CNNM4: variants seen among roughly 807,000 people sequenced by gnomAD.
CNNM4 encodes the protein cyclin and CBS domain divalent metal cation transport mediator 4.
In CNNM4, 32 loss-of-function variants were observed where a neutral mutation model predicts 53.7. The observed-to-expected ratio is 0.60, with a 90% CI of 0.45 to 0.80. CNNM4 has a LOEUF of 0.80. Among genes scored for constraint, CNNM4 ranks in the 30% least tolerant of loss-of-function variants. The pLI, the probability that CNNM4 is intolerant of heterozygous loss-of-function variation, is 0.00. For synonymous variants in CNNM4, 410 were observed against 440.0 expected, an observed-to-expected ratio of 0.93 and a Z score of 0.85; for missense variants, 784 against 1,022.0, an observed-to-expected ratio of 0.77 and a Z score of 3.17.
chr2:96,761,871 G>C lies in CNNM4; in HGVS notation c.872G>C (p.Cys291Ser). ...IFGEILPQAL[C>S]SRHGLAVGAN... ...GGGGAGATCCTACCTCAGGCCCTGTGCTCCCGACATGGGCTGGCTGTGGGT... is the reference window on the plus strand; with the variant it reads ...GGGGAGATCCTACCTCAGGCCCTGTCCTCCCGACATGGGCTGGCTGTGGGT... Residue 291 changes from cysteine to serine, a missense_variant, in exon 1 of 7, where the codon TGC becomes TCC. This residue lies in a region of CNNM4 where 473 missense variants were observed against 624.6 expected (regional missense o/e 0.76). Transcript: ENST00000377075. This position sits in a 1 kb window ranked among gnomAD's most constrained non-coding sequence, Gnocchi z 6.0. 6.2e-7 allele frequency: 1 copy of C among 1,614,148 alleles called. No homozygotes were observed. Among genetic ancestry groups the C allele is most frequent in the Non-Finnish European group, 8.5e-7 (1 of 1,180,016 alleles).
intron 1 of CNNM4, among the ~76,000 whole-genome samples, chr2:96,780,728 TTTTA>T (rs1008170783): frequency 1.2e-4 from 18 of 151,958 alleles, no homozygotes; most frequent in African/African-American, 4.1e-4. Context: ...TTTTGTTTGT[TTTTA>T]TTTGTTTGTT....
At chr2:96,766,015 C>G (rs1434820111) in intron 1 of CNNM4, among the ~76,000 whole-genome samples, 2 of 151,556 alleles carry the variant, frequency 1.3e-5, no homozygotes, top group African/African-American at 2.4e-5. Context: ...AACTCCTGAC[C>G]TCAGGTGATC....
In CNNM4 at chr2:96,765,024, G is replaced by GTTTTT. The variant is rs1158502593; in HGVS notation, c.1402+2661_1402+2665dup. Among the ~76,000 whole-genome samples the GTTTTT allele has an allele frequency of 1.1e-3, 44 of 41,556 alleles. 9 individuals carry two copies. Among genetic ancestry groups the GTTTTT allele is most frequent in the African/African-American group, 1.8e-3 (20 of 11,402 alleles). The allele number at this position is 41,556 out of a possible 152,430, so 27.3% of individuals were successfully genotyped here. On this transcript the variant is annotated intron_variant, in intron 1 of 6. Transcript: ENST00000377075. ...GTTTAGGAGTCTGGTGTTGGGAATGGTTTTTTTTTTTTTTTTTTTTTTTTT... is the reference window on the plus strand; with the variant it reads ...GTTTAGGAGTCTGGTGTTGGGAATGGTTTTTTTTTTTTTTTTTTTTTTTTTTTTTT...
At chr2:96,803,779 A>C (rs2079178727) in intron 5 of CNNM4, among the ~76,000 whole-genome samples, 1 of 152,180 alleles carries the variant, frequency 6.6e-6, no homozygotes. Flanking sequence ...CTTTACTCAT[A>C]AAAGTAAGGT....
intron 1 of CNNM4, among the ~76,000 whole-genome samples, chr2:96,775,103 T>C (rs1329400636): frequency 6.7e-6 from 1 of 148,586 alleles, no homozygotes; most frequent in Non-Finnish European, 1.5e-5. Context: ...ATGCATAATA[T>C]AGAGAAAAGT....
At chr2:96,764,859 T>C (rs2078799454) in intron 1 of CNNM4, among the ~76,000 whole-genome samples, 3 of 151,456 alleles carry the variant, frequency 2.0e-5, no homozygotes, top group Non-Finnish European at 2.9e-5. Context: ...TGGTGGCACA[T>C]GCCTGTAGCC....
chr2:96,791,506 G>A lies in CNNM4; in HGVS notation c.1403-5506G>A, dbSNP rs1243571192. 2.0e-5 allele frequency among the ~76,000 whole-genome samples: 3 copies of A among 151,278 alleles called. No individual in the cohort carries two copies. The East Asian group carries it at 5.8e-4, about 29-fold the overall frequency. On this transcript the variant is annotated intron_variant, in intron 1 of 6. Transcript: ENST00000377075. The stretch of plus-strand genomic sequence containing the variant: ...AAATTAGCTGGGTGTGGTGGCGGGC[G>A]CCTGTAATCCCAGCTAGTCAGGAGG...
intron 1 of CNNM4, among the ~76,000 whole-genome samples, chr2:96,768,098 A>G (rs1168900014): frequency 1.3e-5 from 2 of 152,222 alleles, no homozygotes; most frequent in African/African-American, 4.8e-5. Context: ...AACAACAACA[A>G]AACACCCATA....
chr2:96,805,426 T>A (rs1332889196), intron 5 of CNNM4, among the ~76,000 whole-genome samples: 214 of 140,042 alleles, frequency 1.5e-3, no homozygotes, highest in African/African-American at 6.1e-3. Flanking sequence ...CAGTTTTTTT[T>A]TTTTTTTTTT....
intron 1 of CNNM4, among the ~76,000 whole-genome samples, chr2:96,785,859 C>T (rs2079012085): frequency 6.6e-6 from 1 of 151,522 alleles, no homozygotes. Context: ...GAGGCTGAAG[C>T]GGTGGATCAC....
chr2:96,807,290 C>T (rs1221941089), intron 5 of CNNM4, among the ~76,000 whole-genome samples: 4 of 152,150 alleles, frequency 2.6e-5, no homozygotes, highest in Non-Finnish European at 5.9e-5. Flanking sequence ...AGGTGTGAGC[C>T]ACCTCGCCCA....
chr2:96,767,000 C>T lies in CNNM4; in HGVS notation c.1402+4599C>T, dbSNP rs1027971384. Among the ~76,000 whole-genome samples, 10 of 152,176 alleles carry T rather than the reference C, an allele frequency of 6.6e-5. No individual in the cohort carries two copies. The East Asian group carries it at 1.2e-3, about 18-fold the overall frequency. On this transcript the variant is annotated intron_variant, in intron 1 of 6. Transcript: ENST00000377075. The stretch of plus-strand genomic sequence containing the variant: ...GGGCCTTGAGTGTGATGCATGGTTC[C>T]TCTCCATGTGCCTCAGTTTCCCCAC...
intron 5 of CNNM4, among the ~76,000 whole-genome samples, chr2:96,806,597 G>A (rs1036900538): frequency 2.0e-5 from 3 of 151,682 alleles, no homozygotes; most frequent in African/African-American, 7.3e-5. Flanking sequence ...ACTAGATTCA[G>A]TATGTTTGTT....
At chr2:96,773,519 A>C (rs2078897124) in intron 1 of CNNM4, among the ~76,000 whole-genome samples, 1 of 152,240 alleles carries the variant, frequency 6.6e-6, no homozygotes, top group East Asian at 1.9e-4. Context: ...AAATACACTG[A>C]CACCTACCAT....
chr2:96,808,538 GA>G lies in CNNM4; in HGVS notation c.1949-22del. 1.2e-6 allele frequency: 2 copies of G among 1,613,786 alleles called. No individual in the cohort carries two copies. The highest frequency in any genetic ancestry group is 1.7e-6 in the Non-Finnish European group (2 of 1,179,896). ...TGGGCATCGGAGTGGCCTTTGGCAT[GA>G]CAACCTCTGCTCTCCCTGCAGACCG... On this transcript the variant is annotated intron_variant, in intron 5 of 6. Coordinates refer to ENST00000377075, the MANE Select transcript of CNNM4 (RefSeq NM_020184.4). The surrounding 1 kb of genome is among the most constrained non-coding windows in gnomAD (Gnocchi z 4.9).
At chr2:96,788,523 T>G (rs2079033765) in intron 1 of CNNM4, 1 of 152,352 alleles carries the variant, frequency 6.6e-6, no homozygotes, top group African/African-American at 2.4e-5. Context: ...GCCCTGGCTC[T>G]GCCTTCTTGC....
rs549872147 is a variant in CNNM4, at chr2:96,807,248, A to G, written c.1949-1313A>G. 6.6e-5 allele frequency among the ~76,000 whole-genome samples: 10 copies of G among 152,244 alleles called. No homozygotes were observed. The South Asian group carries it at 1.5e-3, about 22-fold the overall frequency. On this transcript the variant is annotated intron_variant, in intron 5 of 6. Coordinates refer to ENST00000377075, the MANE Select transcript of CNNM4 (RefSeq NM_020184.4). ...CTGGTCTTGAACTCCGGCTCAAGCA[A>G]TCTGCCCGCATCGGCCTCCTAAGGT...
At chr2:96,798,623 T>C (rs2079127755) in intron 3 of CNNM4, among the ~76,000 whole-genome samples, 1 of 152,134 alleles carries the variant, frequency 6.6e-6, no homozygotes, top group Non-Finnish European at 1.5e-5. Flanking sequence ...CCCTCTCCAT[T>C]ATTTTTCCTG....
At chr2:96,786,250 C>G (rs1364260795) in intron 1 of CNNM4, among the ~76,000 whole-genome samples, 3 of 149,800 alleles carry the variant, frequency 2.0e-5, no homozygotes, top group Non-Finnish European at 3.0e-5. Flanking sequence ...AACCCCGTCT[C>G]TACTAAAAAC....
Sources: gnomAD v4.1 joint callset for allele counts (sites outside exome capture counted in the v4.1 genomes callset) on GRCh38, gnomAD v4.1.1 for gene constraint, gnomAD v4.1.1 regional missense constraint, Gnocchi (gnomAD v3.1) non-coding constraint, MANE v1.5 for transcripts, NCBI Gene and HGNC (gene_info 2026-07-23, HGNC 2026-07-21) for gene names.